COBL: variants seen among roughly 807,000 people sequenced by gnomAD.
The protein encoded by COBL is protein cordon-bleu.
Under a neutral mutation model 98.8 loss-of-function variants are expected in COBL, and 51 were observed. That is an observed-to-expected ratio of 0.52 (90% confidence interval 0.41 to 0.65). The LOEUF is 0.65. COBL is among the 30% of genes least tolerant of loss of function. The pLI, the probability that COBL is intolerant of heterozygous loss-of-function variation, is 0.00. For missense variants in COBL, 1,617 were observed against 1,617.5 expected, an observed-to-expected ratio of 1.00 and a Z score of 0.01; for synonymous variants, 634 against 651.7, an observed-to-expected ratio of 0.97 and a Z score of 0.41.
intron 1 of COBL, among the ~76,000 whole-genome samples, chr7:51,258,238 C>T (rs1380070659): frequency 6.6e-6 from 1 of 151,664 alleles, no homozygotes; most frequent in Non-Finnish European, 1.5e-5. Flanking sequence ...GACAAGTGAA[C>T]ATTTATTTTT....
At chr7:51,184,781 GCTC>G (rs1789332062) in intron 4 of COBL, among the ~76,000 whole-genome samples, 1 of 152,216 alleles carries the variant, frequency 6.6e-6, no homozygotes, top group Non-Finnish European at 1.5e-5. Flanking sequence ...AATCAGCACA[GCTC>G]TAAGACTGCG....
At position 51,040,407 on chromosome 7, in the gene COBL, G is replaced by C. The variant is rs1789067232; in HGVS notation, c.1406+2976C>G. Among the ~76,000 whole-genome samples the C allele has an allele frequency of 2.0e-5, 3 of 152,138 alleles. No homozygotes were observed. In the South Asian group the frequency reaches 6.2e-4, roughly 32 times the overall value. On this transcript the variant is annotated intron_variant, in intron 8 of 12. Coordinates refer to ENST00000265136, the MANE Select transcript of COBL (RefSeq NM_015198.5). ...TTCATCCTCATCTGACTGATGAGCT[G>C]ACCACATCCCAGTGAAGGAAAGTGA...
chr7:51,154,300 C>G (rs1437356966), intron 5 of COBL, among the ~76,000 whole-genome samples: 1 of 152,190 alleles, frequency 6.6e-6, no homozygotes, highest in African/African-American at 2.4e-5. Context: ...CTCATAAGAA[C>G]AGGCACAGAC....
chr7:51,230,422 A>T (rs754755535), intron 1 of COBL, among the ~76,000 whole-genome samples: 110 of 152,146 alleles, frequency 7.2e-4, no homozygotes, highest in Non-Finnish European at 1.2e-3. Flanking sequence ...CAGCTCTGCC[A>T]AGGCTCAAAC....
chr7:51,047,206 C>G (rs531675436), intron 7 of COBL, among the ~76,000 whole-genome samples: 1 of 152,204 alleles, frequency 6.6e-6, no homozygotes, highest in Non-Finnish European at 1.5e-5. Context: ...AAAAAGCACA[C>G]TTACTTTGTC....
intron 7 of COBL, among the ~76,000 whole-genome samples, chr7:51,055,162 G>A (rs1562850730): frequency 6.6e-6 from 1 of 152,156 alleles, no homozygotes; most frequent in Admixed American, 6.5e-5. Flanking sequence ...TTATCTTCCC[G>A]CAAGGGCGGC....
intron 7 of COBL, among the ~76,000 whole-genome samples, chr7:51,081,510 C>G (rs937648761): frequency 1.3e-5 from 2 of 150,972 alleles, no homozygotes; most frequent in Non-Finnish European, 3.0e-5. Flanking sequence ...CAGGAGGAAG[C>G]CTGATGCTGC....
chr7:51,031,655 CAGA>C (rs1788158891), intron 8 of COBL: 1 of 152,282 alleles, frequency 6.6e-6, no homozygotes, highest in South Asian at 2.1e-4. Flanking sequence ...CTGCCAGACT[CAGA>C]AAACGAGAAA....
intron 5 of COBL, chr7:51,156,244 C>T (rs1786120045): frequency 1.0e-6 from 1 of 984,730 alleles, no homozygotes; most frequent in African/African-American, 1.7e-5. Flanking sequence ...AAATTAATTC[C>T]TTTCTTACCC....
At chr7:51,313,185 T>A (rs749021934) in intron 1 of COBL, among the ~76,000 whole-genome samples, 2 of 152,206 alleles carry the variant, frequency 1.3e-5, no homozygotes, top group Non-Finnish European at 2.9e-5. Flanking sequence ...TTCTCTAACA[T>A]GTTAGCCAAA....
intron 1 of COBL, among the ~76,000 whole-genome samples, chr7:51,278,331 C>T (rs1799498030): frequency 6.6e-6 from 1 of 151,858 alleles, no homozygotes; most frequent in South Asian, 2.1e-4. Flanking sequence ...ATGCAGGCCC[C>T]TCCTCCCAGC....
At position 51,299,317 on chromosome 7, in the gene COBL, T is replaced by C. The variant is rs559958455; in HGVS notation, c.41+17276A>G. 1.2e-4 allele frequency among the ~76,000 whole-genome samples: 18 copies of C among 152,354 alleles called. No homozygotes were observed. In the South Asian group the frequency reaches 3.7e-3, roughly 32 times the overall value. On this transcript the variant is annotated intron_variant, in intron 1 of 12. Coordinates refer to ENST00000265136, the MANE Select transcript of COBL (RefSeq NM_015198.5). ...CACTGGCTGTTTAGAAAGTATTATA[T>C]TCCAAAGAACTTGTGCAAATCCTTT... is the stretch of plus-strand genomic sequence containing the variant.
chr7:51,268,598 TC>T (rs1798440630), intron 1 of COBL, among the ~76,000 whole-genome samples: 1 of 152,058 alleles, frequency 6.6e-6, no homozygotes, highest in South Asian at 2.1e-4. Context: ...ACAGAGTAAT[TC>T]CCTTTTGCAG....
intron 7 of COBL, among the ~76,000 whole-genome samples, chr7:51,075,080 G>C (rs1792937166): frequency 6.6e-6 from 1 of 152,120 alleles, no homozygotes; most frequent in Admixed American, 6.5e-5. Context: ...ATATATGTTG[G>C]AATTTTACTC....
At chr7:51,306,133 G>C (rs938648595) in intron 1 of COBL, among the ~76,000 whole-genome samples, 1 of 151,854 alleles carries the variant, frequency 6.6e-6, no homozygotes, top group African/African-American at 2.4e-5. Flanking sequence ...CAGATGAGTG[G>C]GGCCCCAGGA....
At chr7:51,051,897 T>C (rs570415371) in intron 7 of COBL, among the ~76,000 whole-genome samples, 17 of 152,356 alleles carry the variant, frequency 1.1e-4, no homozygotes, top group Admixed American at 5.9e-4. Context: ...TTTCATTTTA[T>C]TGTAATGTGC....
intron 5 of COBL, among the ~76,000 whole-genome samples, chr7:51,157,543 G>A (rs1296555619): frequency 6.6e-6 from 1 of 152,216 alleles, no homozygotes; most frequent in East Asian, 1.9e-4. Flanking sequence ...CCCAGGGCAA[G>A]TGGTTGGAGA....
chr7:51,260,780 G>C (rs906197580), intron 1 of COBL, among the ~76,000 whole-genome samples: 14 of 152,228 alleles, frequency 9.2e-5, no homozygotes, highest in African/African-American at 3.4e-4. Flanking sequence ...GGCAGCCATG[G>C]AAAGGATGCA....
intron 6 of COBL, among the ~76,000 whole-genome samples, chr7:51,103,905 C>A (rs1796028315): frequency 6.6e-6 from 1 of 152,270 alleles, no homozygotes; most frequent in Non-Finnish European, 1.5e-5. Flanking sequence ...CCTGCCCGCA[C>A]CTGGCCTCGG....
Sources: gnomAD v4.1 joint callset for allele counts (sites outside exome capture counted in the v4.1 genomes callset) on GRCh38, gnomAD v4.1.1 for gene constraint, MANE v1.5 for transcripts, NCBI Gene and HGNC (gene_info 2026-07-23, HGNC 2026-07-21) for gene names.